Variants in ADSL observed in about 807,000 individuals in gnomAD.
ADSL encodes adenylosuccinase.
Under a neutral mutation model 62.1 loss-of-function variants are expected in ADSL, and 44 were observed. The observed-to-expected ratio is 0.71, with a 90% CI of 0.56 to 0.91. The LOEUF is 0.91. ADSL is among the 40% of genes least tolerant of loss of function. The pLI is 0.00. For missense variants in ADSL, 531 were observed against 627.4 expected (o/e 0.85, Z 1.64); for synonymous variants, 198 against 220.5 (o/e 0.90, Z 0.90).
At chr22:40,378,785 G>A (rs1044463816) in intron 2 of ADSL, among the ~76,000 whole-genome samples, 1 of 151,942 alleles carries the variant, frequency 6.6e-6, no homozygotes, top group Non-Finnish European at 1.5e-5. Flanking sequence ...TGAATGAACT[G>A]TAAAGTTCTC....
At chr22:40,364,583 C>A in intron 11 of ADSL, 1 of 651,572 alleles carries the variant, frequency 1.5e-6, no homozygotes. Flanking sequence ...AAGTCCACTC[C>A]TAGTGAAGGA....
chr22:40,351,306 G>T (rs60391611), intron 2 of ADSL, among the ~76,000 whole-genome samples: 3,556 of 152,120 alleles, frequency 0.023, 143 homozygotes, highest in African/African-American at 0.082. Context: ...TAGTAGCTGG[G>T]ATTATAGGCG....
At chr22:40,360,531 TG>T (rs1446804423) in intron 7 of ADSL, 39 bp downstream of exon 7, 2 of 1,442,264 alleles carry the variant, frequency 1.4e-6, no homozygotes, top group Non-Finnish European at 2.0e-6. Flanking sequence ...ACAGGAGCTT[TG>T]GGCACCACAG....
At chr22:40,387,150 A>G in intron 2 of ADSL, 1 of 398,444 alleles carries the variant, frequency 2.5e-6, no homozygotes, top group Non-Finnish European at 4.4e-6. Flanking sequence ...TAAAATGGGG[A>G]TAATGCCTGT....
chr22:40,378,810 C>T (rs1211427301), intron 2 of ADSL, among the ~76,000 whole-genome samples: 1 of 152,108 alleles, frequency 6.6e-6, no homozygotes, highest in Non-Finnish European at 1.5e-5. Context: ...ATTCTGAGAT[C>T]GTGATTCTCT....
intron 2 of ADSL, among the ~76,000 whole-genome samples, chr22:40,377,960 C>A (rs2046925491): frequency 6.6e-6 from 1 of 151,908 alleles, no homozygotes; most frequent in Non-Finnish European, 1.5e-5. Flanking sequence ...ATACAAAGTA[C>A]CCCTAAAAAG....
Position 40,360,497 on chromosome 22 carries a change from G to T in ADSL, c.792+5G>T, listed in dbSNP as rs761153103. 6.8e-6 allele frequency: 11 copies of T among 1,612,422 alleles called. No individual in the cohort carries two copies. Among genetic ancestry groups the T allele is most frequent in the Non-Finnish European group, 5.1e-6 (6 of 1,178,546 alleles). On this transcript the variant is annotated splice_donor_5th_base_variant and intron_variant, in intron 7 of 12. Transcript: ENST00000623063. ...TTGGGGGCATCAGTGCACAAGGTGAGTGGTGGCAGCATGTGGGGTGGGGAC... is the reference window on the plus strand; with the variant it reads ...TTGGGGGCATCAGTGCACAAGGTGATTGGTGGCAGCATGTGGGGTGGGGAC...
intron 7 of ADSL, 36 bp downstream of exon 7, chr22:40,360,528 C>A: frequency 6.9e-7 from 1 of 1,457,518 alleles, no homozygotes; most frequent in Non-Finnish European, 9.6e-7. Flanking sequence ...GGGACAGGAG[C>A]TTTGGGCACC....
At chr22:40,350,672 G>A (rs1210143015) in intron 2 of ADSL, among the ~76,000 whole-genome samples, 1 of 151,892 alleles carries the variant, frequency 6.6e-6, no homozygotes, top group Non-Finnish European at 1.5e-5. Flanking sequence ...AGGCGGGAGT[G>A]CAGTGGCATG....
At chr22:40,365,635 C>T (rs952923958) in intron 12 of ADSL, among the ~76,000 whole-genome samples, 1 of 151,790 alleles carries the variant, frequency 6.6e-6, no homozygotes, top group African/African-American at 2.4e-5. Context: ...TTTGGGAGGC[C>T]GAGGCAGGAG....
At chr22:40,382,708 G>A (rs567201135) in intron 2 of ADSL, among the ~76,000 whole-genome samples, 11 of 152,326 alleles carry the variant, frequency 7.2e-5, no homozygotes, top group East Asian at 3.9e-4. Flanking sequence ...GAGAAGTTTC[G>A]TCACATTTGA....
intron 2 of ADSL, among the ~76,000 whole-genome samples, chr22:40,350,927 G>A (rs1302552843): frequency 6.6e-6 from 1 of 151,984 alleles, no homozygotes; most frequent in African/African-American, 2.4e-5. Flanking sequence ...ACTGTGCCTG[G>A]CCTTCAAAGG....
chr22:40,358,874 C>T lies in ADSL; in HGVS notation c.493C>T (p.Leu165=). The T allele has an allele frequency of 6.2e-7, 1 of 1,614,188 alleles. No homozygotes were observed. The highest frequency in any genetic ancestry group is 8.5e-7 in the Non-Finnish European group (1 of 1,180,036). ...LGFTHFQPAQ[L]TTVGKRCCLW... is the part of the protein sequence containing the mutation. ...TCTTTGGGTTTTCAGGCCTGCACAG[C>T]TGACCACAGTTGGGAAACGTTGCTG... is the stretch of plus-strand genomic sequence containing the variant. The change falls in exon 5 of 13, where the codon CTG becomes TTG. Residue 165 remains leucine, a synonymous_variant. Transcript: ENST00000623063.
chr22:40,366,744 C>A lies in ADSL; in HGVS notation c.*222C>A. 2.0e-6 allele frequency: 1 copy of A among 504,374 alleles called. No homozygotes were observed. The highest frequency in any genetic ancestry group is 3.2e-5 in the Admixed American group (1 of 30,948). 31.2% of individuals were successfully genotyped at this position (504,374 alleles called of 1,614,324 possible). Reference sequence around the variant, plus strand: ...TCTTGCATAGTAAATGTAGTTCATACTTGATCTCTGTTCTTTCAAGGCATA... The same window carrying A: ...TCTTGCATAGTAAATGTAGTTCATAATTGATCTCTGTTCTTTCAAGGCATA... On this transcript the variant is annotated 3_prime_UTR_variant, in exon 13 of 13. Transcript: ENST00000623063.
At chr22:40,373,460 C>T (rs899239021), downstream of ADSL, 1 of 152,130 alleles carries the variant, frequency 6.6e-6, no homozygotes, top group Non-Finnish European at 1.5e-5. Flanking sequence ...TTCCTCTCAA[C>T]GATTTATTGA....
intron 2 of ADSL, among the ~76,000 whole-genome samples, chr22:40,377,141 A>G (rs1039236024): frequency 6.6e-6 from 1 of 152,192 alleles, no homozygotes; most frequent in African/African-American, 2.4e-5. Flanking sequence ...CATCCAATCC[A>G]GGTTCTTCTG....
At chr22:40,376,746 G>C (rs2046690527) in intron 2 of ADSL, among the ~76,000 whole-genome samples, 1 of 152,060 alleles carries the variant, frequency 6.6e-6, no homozygotes, top group Non-Finnish European at 1.5e-5. Context: ...TCTGACTCTA[G>C]AGTTTATGCT....
At chr22:40,354,584 A>G (rs2044477508) in intron 4 of ADSL, among the ~76,000 whole-genome samples, 1 of 152,170 alleles carries the variant, frequency 6.6e-6, no homozygotes, top group Non-Finnish European at 1.5e-5. Context: ...GAAACAATCT[A>G]AATGGGCCGG....
intron 4 of ADSL, among the ~76,000 whole-genome samples, chr22:40,356,099 G>A (rs568044182): frequency 4.0e-4 from 61 of 152,082 alleles, no homozygotes; most frequent in African/African-American, 1.4e-3. Flanking sequence ...CTACTTGGGA[G>A]GCTGAGGCAG....
Sources: gnomAD v4.1 joint callset for allele counts (sites outside exome capture counted in the v4.1 genomes callset) on GRCh38, gnomAD v4.1.1 for gene constraint, MANE v1.5 for transcripts, NCBI Gene and HGNC (gene_info 2026-07-23, HGNC 2026-07-21) for gene names.